RPS12: variants seen among roughly 807,000 people sequenced by gnomAD.
The protein encoded by RPS12 is ribosomal protein S12.
RPS12 carries 1 observed loss-of-function variant against 17.2 expected under a neutral mutation model. That is an observed-to-expected ratio of 0.06 (90% confidence interval 0.02 to 0.28). RPS12 has a LOEUF of 0.28. Ranked by LOEUF, RPS12 falls within the 10% of genes least tolerant of loss-of-function variation. The pLI is 1.00. For missense variants in RPS12, 146 were observed against 162.1 expected, an observed-to-expected ratio of 0.90 and a Z score of 0.54; for synonymous variants, 67 against 54.0, an observed-to-expected ratio of 1.24 and a Z score of -1.06.
chr6:132,816,961 T>C lies in RPS12; in HGVS notation c.236T>C (p.Val79Ala). ...TTTTTTTAACCTTTCTCCCAATAGG[T>C]TGATGACAACAAGAAACTAGGAGAA... ...CAEHQINLIK[V>A]DDNKKLGEWV... is the part of the protein sequence containing the mutation. The change falls in exon 5 of 6, where the codon GTT becomes GCT. Residue 79 changes from valine (V) to alanine (A), a missense_variant and splice_region_variant. Val to Ala is a moderately conservative substitution (Grantham distance 64). Around this residue, in one of 2 missense-constraint regions of RPS12, gnomAD observed 117 missense variants for 104.6 expected, o/e 1.12. Transcript: ENST00000230050. 1 of 1,595,376 alleles carries C rather than the reference T, an allele frequency of 6.3e-7. No homozygotes were observed. Among genetic ancestry groups the C allele is most frequent in the African/African-American group, 1.3e-5 (1 of 74,584 alleles).
At chr6:132,816,830 T>C (rs1300800205) in intron 4 of RPS12, 130 bp from the exon 5 acceptor site, 12 of 783,120 alleles carry the variant, frequency 1.5e-5, no homozygotes, top group Non-Finnish European at 2.1e-5. Flanking sequence ...TGGCTCCCTC[T>C]ACTGAACTGC....
At chr6:132,816,229 C>T (rs1401719443) in intron 3 of RPS12, among the ~76,000 whole-genome samples, 1 of 152,132 alleles carries the variant, frequency 6.6e-6, no homozygotes, top group Non-Finnish European at 1.5e-5. Flanking sequence ...TACACCAATT[C>T]AGTGTGTCAG....
At chr6:132,815,697 T>C (rs1782034826) in intron 3 of RPS12, 1 of 456,628 alleles carries the variant, frequency 2.2e-6, no homozygotes, top group African/African-American at 2.0e-5. Flanking sequence ...TTTGGTGTAA[T>C]CTAGCCAGTT....
Position 132,816,945 on chromosome 6 carries a change from C to A in RPS12, c.235-15C>A. 7.0e-7 allele frequency: 1 copy of A among 1,436,496 alleles called. No individual in the cohort carries two copies. The highest frequency in any genetic ancestry group is 9.8e-7 in the Non-Finnish European group (1 of 1,024,076). The allele number at this position is 1,436,496 out of a possible 1,614,324, so 89.0% of individuals were successfully genotyped here. ...TTAATGTGATTTTTTTTTTTTTTAACCTTTCTCCCAATAGGTTGATGACAA... is the reference window on the plus strand; with the variant it reads ...TTAATGTGATTTTTTTTTTTTTTAAACTTTCTCCCAATAGGTTGATGACAA... On this transcript the variant is annotated splice_polypyrimidine_tract_variant and intron_variant, in intron 4 of 5. Transcript: ENST00000230050.
intron 4 of RPS12, 49 bp downstream of exon 4, chr6:132,816,612 A>G (rs200449738): frequency 3.0e-4 from 360 of 1,220,142 alleles, no homozygotes; most frequent in Middle Eastern, 5.6e-4. Flanking sequence ...TGATGCTTGT[A>G]TATGGGGGTA....
intron 5 of RPS12, 96 bp downstream of exon 5, chr6:132,817,157 C>A: frequency 1.2e-6 from 1 of 866,764 alleles, no homozygotes; most frequent in Non-Finnish European, 1.9e-6. Flanking sequence ...AAGGAAAAAA[C>A]TGATTCAACA....
At chr6:132,817,446 CAA>C in intron 5 of RPS12, 32 bp from the exon 6 acceptor site, 1 of 1,371,384 alleles carries the variant, frequency 7.3e-7, no homozygotes, top group Non-Finnish European at 1.0e-6. Flanking sequence ...TAAATATTAA[CAA>C]GAAATTGCAT....
intron 3 of RPS12, chr6:132,815,525 A>G (rs1374049569): frequency 1.2e-5 from 5 of 416,312 alleles, no homozygotes; most frequent in Admixed American, 1.1e-4. Flanking sequence ...TCCTAGATGA[A>G]TTTAGTAGTA....
chr6:132,815,210 G>A (rs1782018461), intron 3 of RPS12, 122 bp downstream of exon 3: 1 of 754,076 alleles, frequency 1.3e-6, no homozygotes, highest in Admixed American at 1.9e-5. Flanking sequence ...CGTCCTACCG[G>A]AAACCTAGGA....
At chr6:132,816,151 G>C in intron 3 of RPS12, 1 of 441,150 alleles carries the variant, frequency 2.3e-6, no homozygotes, top group Non-Finnish European at 4.2e-6. Flanking sequence ...TGTTTCTTTA[G>C]GTATATGAAG....
chr6:132,815,145 C>A, intron 3 of RPS12, 57 bp downstream of exon 3: 2 of 1,111,498 alleles, frequency 1.8e-6, no homozygotes, highest in South Asian at 1.2e-5. Flanking sequence ...AACTGCCACC[C>A]AAGGGAAGAA....
At chr6:132,817,101 G>A in intron 5 of RPS12, 40 bp downstream of exon 5, 2 of 1,227,382 alleles carry the variant, frequency 1.6e-6, no homozygotes, top group Non-Finnish European at 2.4e-6. Context: ...GTTATGCTGG[G>A]TAATCATATA....
intron 3 of RPS12, among the ~76,000 whole-genome samples, chr6:132,816,220 AC>A (rs561029373): frequency 3.2e-4 from 49 of 152,254 alleles, no homozygotes; most frequent in Admixed American, 6.5e-4. Flanking sequence ...AAAATGACTT[AC>A]ACCAATTCAG....
chr6:132,816,769 A>G (rs765719605), intron 4 of RPS12, 191 bp from the exon 5 acceptor site: 10 of 769,670 alleles, frequency 1.3e-5, no homozygotes, highest in Non-Finnish European at 2.1e-5. Context: ...GTATACAACA[A>G]AGATTAGTAG....
Position 132,815,795 on chromosome 6 carries a change from G to A in RPS12, c.132-666G>A, listed in dbSNP as rs1227872155. 3 of 455,952 alleles carry A rather than the reference G, an allele frequency of 6.6e-6. No individual in the cohort carries two copies. The Admixed American group carries it at 7.1e-5, about 11-fold the overall frequency. 28.2% of individuals were successfully genotyped at this position (455,952 alleles called of 1,614,324 possible). On this transcript the variant is annotated intron_variant, in intron 3 of 5. Transcript: ENST00000230050. ...TATTTCTATTTCGGCATTATTGCAT[G>A]GCATTTCATAACTGTTCCATTAATG...
chr6:132,816,269 A>G (rs1250600202), intron 3 of RPS12, among the ~76,000 whole-genome samples, 192 bp from the exon 4 acceptor site: 1 of 152,188 alleles, frequency 6.6e-6, no homozygotes, highest in East Asian at 1.9e-4. Context: ...GACCAGTTGT[A>G]GGTTAATTGA....
rs1562279994 is a variant in RPS12 at position 132,815,101 on chromosome 6, G to C, written c.131+13G>C. 2 of 1,523,494 alleles carry C rather than the reference G, an allele frequency of 1.3e-6. No individual in the cohort carries two copies. Among genetic ancestry groups the C allele is most frequent in the Non-Finnish European group, 1.8e-6 (2 of 1,097,956 alleles). The allele number at this position is 1,523,494 out of a possible 1,614,324, so 94.4% of individuals were successfully genotyped here. A position where few individuals can be genotyped will look rare whatever the true frequency, so the allele number is the denominator to read the frequency against. On this transcript the variant is annotated intron_variant, in intron 3 of 5. Transcript: ENST00000230050. ...AAGCCTTAGACAAGTACGTGTATCA[G>C]TCTCAATACTGTGGGTTCTTGCAAC...
chr6:132,815,798 A>G (rs755270570), intron 3 of RPS12: 1 of 452,538 alleles, frequency 2.2e-6, no homozygotes, highest in South Asian at 1.6e-5. Context: ...ATTGCATGGC[A>G]TTTCATAACT....
rs1782079037 is a variant in RPS12 at position 132,817,052 on chromosome 6, A to G, written c.327A>G (p.Val109=). The G allele has an allele frequency of 1.3e-6, 2 of 1,598,916 alleles. No individual in the cohort carries two copies. Among genetic ancestry groups the G allele is most frequent in the Non-Finnish European group, 1.7e-6 (2 of 1,167,686 alleles). ...KPRKVVGCSC[V]VVKDYGKESQ... is the part of the protein sequence containing the mutation. ...GTAAAGTGGTTGGTTGCAGTTGTGT[A>G]GTAGTTAAGGTAAGTCACCGTTTAT... Residue 109 remains valine, a synonymous_variant, in exon 5 of 6, where the codon GTA becomes GTG. Transcript: ENST00000230050.
Sources: allele counts gnomAD v4.1 joint callset (sites outside exome capture counted in the v4.1 genomes callset), GRCh38; gene constraint gnomAD v4.1.1; regional missense constraint gnomAD v4.1.1; transcripts MANE v1.5; gene names NCBI Gene and HGNC (gene_info 2026-07-23, HGNC 2026-07-21).